KDM4B: variants seen among roughly 807,000 people sequenced by gnomAD.
KDM4B encodes lysine-specific demethylase 4B.
A neutral mutation model predicts 125.2 loss-of-function variants in KDM4B; 32 were observed. The observed-to-expected ratio is 0.26, with a 90% CI of 0.19 to 0.34. The LOEUF (loss-of-function observed/expected upper bound fraction) is 0.34, where lower values mean the gene tolerates loss of function less well. KDM4B is among the 10% of genes least tolerant of loss of function. The pLI, the probability that KDM4B is intolerant of heterozygous loss-of-function variation, is 1.00. For synonymous variants in KDM4B, 721 were observed against 677.9 expected, an observed-to-expected ratio of 1.06 and a Z score of -0.99; for missense variants, 1,190 against 1,577.7, an observed-to-expected ratio of 0.75 and a Z score of 4.16.
rs371393326 is a variant in KDM4B at position 5,057,232 on chromosome 19, A to C, written c.626+9563A>C. Among the ~76,000 whole-genome samples, 566 of 152,032 alleles carry C rather than the reference A, an allele frequency of 3.7e-3. 4 individuals are homozygous for C. The highest frequency in any genetic ancestry group is 0.013 in the African/African-American group (552 of 41,446). The stretch of plus-strand genomic sequence containing the variant: ...GGCGCCCTTGCCTCTCCCCTTTGCC[A>C]GGCCGCGTGTGCCTGTGGCCCGGGC... On this transcript the variant is annotated intron_variant, in intron 6 of 22. Coordinates refer to ENST00000159111, the MANE Select transcript of KDM4B (RefSeq NM_015015.3).
At chr19:5,100,529 G>A (rs2038910318) in intron 9 of KDM4B, among the ~76,000 whole-genome samples, 1 of 152,188 alleles carries the variant, frequency 6.6e-6, no homozygotes, top group Non-Finnish European at 1.5e-5. Flanking sequence ...CTAGGCTCAA[G>A]TGATCCTCCT....
chr19:5,040,386 CAG>C (rs1270075381), intron 4 of KDM4B, among the ~76,000 whole-genome samples: 2 of 152,116 alleles, frequency 1.3e-5, no homozygotes, highest in African/African-American at 4.8e-5. Flanking sequence ...GGCACAGACA[CAG>C]AACACACGAG....
chr19:4,986,339 G>A (rs2034830488), intron 1 of KDM4B, among the ~76,000 whole-genome samples: 1 of 152,230 alleles, frequency 6.6e-6, no homozygotes, highest in Non-Finnish European at 1.5e-5. Context: ...GTCTCCGTGT[G>A]CCTCCCTGTG....
intron 14 of KDM4B, among the ~76,000 whole-genome samples, chr19:5,134,792 G>A (rs1190522849): frequency 6.6e-6 from 1 of 152,126 alleles, no homozygotes; most frequent in Non-Finnish European, 1.5e-5. Flanking sequence ...GGAGAGTGCT[G>A]TGCCGAGGGT....
At chr19:5,086,640 C>A (rs1451248727) in intron 9 of KDM4B, among the ~76,000 whole-genome samples, 5 of 149,412 alleles carry the variant, frequency 3.3e-5, no homozygotes, top group Non-Finnish European at 7.4e-5. Flanking sequence ...AGGACAGCCA[C>A]CTCCTCCCCC....
chr19:5,127,024 C>T lies in KDM4B; in HGVS notation c.1316-4052C>T, dbSNP rs560348642. ...TTGCTGGAGGCTCTGGTGGAAACCC[C>T]GGCGCTGGGGAGGAGTGGCCTCGCC... On this transcript the variant is annotated intron_variant, in intron 11 of 22. Coordinates refer to ENST00000159111, the MANE Select transcript of KDM4B (RefSeq NM_015015.3). Among the ~76,000 whole-genome samples the T allele has an allele frequency of 4.3e-4, 66 of 152,328 alleles. 1 individual carries two copies. Among genetic ancestry groups the T allele is most frequent in the African/African-American group, 1.5e-3 (61 of 41,580 alleles).
chr19:5,135,238 G>T (rs1248778900), intron 14 of KDM4B, 101 bp from the exon 15 acceptor site: 7 of 732,790 alleles, frequency 9.6e-6, no homozygotes, highest in Non-Finnish European at 1.6e-5. Flanking sequence ...AGAGCCAGGG[G>T]GTGTCGAAGC....
intron 2 of KDM4B, among the ~76,000 whole-genome samples, chr19:5,032,598 C>T (rs574805270): frequency 4.6e-5 from 7 of 152,348 alleles, no homozygotes; most frequent in Middle Eastern, 6.8e-3. Context: ...TTAAAATTAG[C>T]GCACTGGCTC....
chr19:4,983,865 C>G (rs2034736417), intron 1 of KDM4B, among the ~76,000 whole-genome samples: 1 of 152,132 alleles, frequency 6.6e-6, no homozygotes. Flanking sequence ...ATGCACGTAG[C>G]CTGCTGGGCT....
intron 2 of KDM4B, among the ~76,000 whole-genome samples, chr19:5,028,854 G>T (rs544029210): frequency 3.9e-5 from 6 of 152,312 alleles, no homozygotes; most frequent in African/African-American, 7.2e-5. Context: ...TCACGTGCTT[G>T]TTGGCCATTT....
At chr19:5,095,335 A>G (rs746817191) in intron 9 of KDM4B, among the ~76,000 whole-genome samples, 1 of 152,214 alleles carries the variant, frequency 6.6e-6, no homozygotes, top group African/African-American at 2.4e-5. Context: ...TCATTTTCTC[A>G]TTAGGCCGGT....
At chr19:5,110,029 C>A (rs1393082872) in intron 9 of KDM4B, among the ~76,000 whole-genome samples, 1 of 152,208 alleles carries the variant, frequency 6.6e-6, no homozygotes, top group African/African-American at 2.4e-5. Flanking sequence ...GTGCGTGGGG[C>A]AGTGCCCAGT....
intron 1 of KDM4B, among the ~76,000 whole-genome samples, chr19:4,980,421 C>CTT (rs572345837): frequency 4.1e-4 from 45 of 109,718 alleles, no homozygotes; most frequent in South Asian, 6.4e-4. Flanking sequence ...CCTTTTCTTT[C>CTT]TTTTTTTTTT....
Position 5,114,051 on chromosome 19 carries a change from C to A in KDM4B, c.1115+3233C>A, listed in dbSNP as rs975429038. 1.9e-5 allele frequency: 24 copies of A among 1,287,830 alleles called. No homozygotes were observed. The African/African-American group carries it at 2.6e-4, about 14-fold the overall frequency. 79.8% of individuals were successfully genotyped at this position (1,287,830 alleles called of 1,614,324 possible). On this transcript the variant is annotated intron_variant, in intron 10 of 22. Coordinates refer to ENST00000159111, the MANE Select transcript of KDM4B (RefSeq NM_015015.3). The surrounding 1 kb of genome is among the most constrained non-coding windows in gnomAD (Gnocchi z 5.8). The stretch of plus-strand genomic sequence containing the variant: ...CCCCTGATGGATGGGTCGCCTAAAA[C>A]TGCAGCCTGGCTCCTGGCGGGTGCC...
intron 18 of KDM4B, among the ~76,000 whole-genome samples, chr19:5,143,722 T>C (rs2039786357): frequency 6.6e-6 from 1 of 151,936 alleles, no homozygotes; most frequent in Non-Finnish European, 1.5e-5. Context: ...GCCAGTGACA[T>C]GCAGGGGGGA....
chr19:5,108,144 C>A (rs995792875), intron 9 of KDM4B, among the ~76,000 whole-genome samples: 2 of 152,244 alleles, frequency 1.3e-5, no homozygotes, highest in East Asian at 1.9e-4. Flanking sequence ...CCTGTCCCCC[C>A]TCCACGGGTG....
intron 9 of KDM4B, among the ~76,000 whole-genome samples, chr19:5,106,584 AC>A (rs2039039915): frequency 6.6e-6 from 1 of 152,176 alleles, no homozygotes; most frequent in Non-Finnish European, 1.5e-5. Flanking sequence ...CTCTGCTGTC[AC>A]TAGCTTTGGG....
intron 5 of KDM4B, among the ~76,000 whole-genome samples, chr19:5,044,190 G>A (rs74172678): frequency 3.1e-4 from 18 of 58,670 alleles, no homozygotes; most frequent in African/African-American, 1.4e-3. Flanking sequence ...TATCCCACGC[G>A]GTGTTTATCG....
At chr19:5,087,064 C>A (rs2038527217) in intron 9 of KDM4B, among the ~76,000 whole-genome samples, 1 of 152,268 alleles carries the variant, frequency 6.6e-6, no homozygotes, top group Non-Finnish European at 1.5e-5. Flanking sequence ...CCGTCTTCTG[C>A]AGAGCAGGGC....
Sources: allele counts gnomAD v4.1 joint callset (sites outside exome capture counted in the v4.1 genomes callset), GRCh38; gene constraint gnomAD v4.1.1; non-coding constraint Gnocchi (gnomAD v3.1); transcripts MANE v1.5; gene names NCBI Gene and HGNC (gene_info 2026-07-23, HGNC 2026-07-21).